Variants in DOCK6 observed in about 807,000 individuals in gnomAD.
DOCK6 encodes dedicator of cytokinesis 6, also known as dedicator of cytokinesis protein 6.
Under a neutral mutation model 230.3 loss-of-function variants are expected in DOCK6, and 167 were observed. The observed-to-expected ratio is 0.73, with a 90% CI of 0.64 to 0.82. The LOEUF is 0.82. Among genes scored for constraint, DOCK6 ranks in the 40% least tolerant of loss-of-function variants. The probability of loss-of-function intolerance (pLI) is 0.00; values close to 1 mark genes in which losing one functional copy is unlikely to be tolerated. For missense variants in DOCK6, 2,598 were observed against 2,825.8 expected (o/e 0.92, Z 1.83); for synonymous variants, 1,148 against 1,185.0 (o/e 0.97, Z 0.64).
intron 9 of DOCK6, among the ~76,000 whole-genome samples, chr19:11,244,705 T>C (rs1188561762): frequency 6.6e-6 from 1 of 152,090 alleles, no homozygotes; most frequent in African/African-American, 2.4e-5. Context: ...GTGATCTGCC[T>C]GCCTCGGCCT....
In DOCK6 at chr19:11,213,348, CAG is replaced by C. The variant is rs2079426292; in HGVS notation, c.4339-22_4339-21del. 6.2e-7 allele frequency: 1 copy of C among 1,605,584 alleles called. No homozygotes were observed. The highest frequency in any genetic ancestry group is 8.5e-7 in the Non-Finnish European group (1 of 1,177,390). ...CGGGAACTGCCCCCAAGGACCCAGA[CAG>C]ACACTGTCCAGCCCCTCCCCGTTCT... On this transcript the variant is annotated intron_variant, in intron 34 of 47. Coordinates refer to ENST00000294618, the MANE Select transcript of DOCK6 (RefSeq NM_020812.4).
intron 1 of DOCK6, among the ~76,000 whole-genome samples, chr19:11,258,472 G>A (rs1005463109): frequency 6.2e-5 from 9 of 144,454 alleles, no homozygotes; most frequent in African/African-American, 1.8e-4. Flanking sequence ...AGTCTCTGTC[G>A]TCCAGGCTGG....
At position 11,200,773 on chromosome 19, in the gene DOCK6, G is replaced by A; in HGVS notation, c.5882C>T (p.Pro1961Leu). Residue 1961 changes from proline to leucine, a missense_variant, in exon 46 of 48, where the codon CCC (proline) becomes CTC (leucine). By Grantham distance (98) the Pro-to-Leu change is moderately conservative. Coordinates refer to ENST00000294618, the MANE Select transcript of DOCK6 (RefSeq NM_020812.4). The surrounding 1 kb of genome is among the most constrained non-coding windows in gnomAD (Gnocchi z 4.3). ...TTTGTTGTGATGCCGGAAGAGCTTGGGGTCTTCCGGGATCTCTGCTAAAAA... is the reference window on the plus strand; with the variant it reads ...TTTGTTGTGATGCCGGAAGAGCTTGAGGTCTTCCGGGATCTCTGCTAAAAA... ...QVFLAEIPED[P>L]KLFRHHNKLR... The A allele has an allele frequency of 6.2e-7, 1 of 1,613,548 alleles. No homozygotes were observed.
At chr19:11,224,747 A>G (rs74792236) in intron 24 of DOCK6, among the ~76,000 whole-genome samples, 6,718 of 152,100 alleles carry the variant, frequency 0.044, 485 homozygotes, top group African/African-American at 0.15. Flanking sequence ...GAGGCCTCAC[A>G]AGTTAGCCTC....
Position 11,255,879 on chromosome 19 carries a change from C to T in DOCK6, c.45-2153G>A, listed in dbSNP as rs536476710. ...TCGGCTCACTGCAAGCTCCGCCTCC[C>T]GGGTTCACGCCATTCTCCTGCCTCA... On this transcript the variant is annotated intron_variant, in intron 1 of 47. Coordinates refer to ENST00000294618, the MANE Select transcript of DOCK6 (RefSeq NM_020812.4). 4.6e-5 allele frequency among the ~76,000 whole-genome samples: 7 copies of T among 152,260 alleles called. No individual in the cohort carries two copies. In the South Asian group the frequency reaches 6.2e-4, roughly 14 times the overall value.
At chr19:11,231,092 C>T (rs1468719024) in intron 22 of DOCK6, among the ~76,000 whole-genome samples, 1 of 152,126 alleles carries the variant, frequency 6.6e-6, no homozygotes, top group Non-Finnish European at 1.5e-5. Context: ...GCCCAAAGGC[C>T]CCCCCTGCTT....
At chr19:11,209,274 A>C (rs1600857054) in intron 37 of DOCK6, among the ~76,000 whole-genome samples, 171 bp from the exon 38 acceptor site, 3 of 139,114 alleles carry the variant, frequency 2.2e-5, no homozygotes, top group Non-Finnish European at 3.1e-5. Context: ...GCCATCCCTC[A>C]TCTATCTCCC....
chr19:11,234,098 TG>T (rs746263746), intron 21 of DOCK6, among the ~76,000 whole-genome samples: 7 of 152,008 alleles, frequency 4.6e-5, no homozygotes, highest in Non-Finnish European at 8.8e-5. Flanking sequence ...CTCCTGGGTT[TG>T]TGTGATTCTC....
Position 11,222,985 on chromosome 19 carries a change from A to T in DOCK6, c.3069+8T>A, listed in dbSNP as rs1332011168. 1 of 1,613,262 alleles carries T rather than the reference A, an allele frequency of 6.2e-7. No individual in the cohort carries two copies. Among genetic ancestry groups the T allele is most frequent in the Non-Finnish European group, 8.5e-7 (1 of 1,179,714 alleles). ...TGCCATGCCCACCCTGCCCACGCCC[A>T]CTCCTACCTGCTTGTAGTGGGCCCG... is the stretch of plus-strand genomic sequence containing the variant. On this transcript the variant is annotated splice_region_variant and intron_variant, in intron 25 of 47. Coordinates refer to ENST00000294618, the MANE Select transcript of DOCK6 (RefSeq NM_020812.4). This position sits in a 1 kb window ranked among gnomAD's most constrained non-coding sequence, Gnocchi z 4.0.
chr19:11,223,301 C>A (rs1234831279), intron 24 of DOCK6, among the ~76,000 whole-genome samples, 195 bp from the exon 25 acceptor site: 1 of 152,180 alleles, frequency 6.6e-6, no homozygotes, highest in Admixed American at 6.6e-5. Context: ...CCTTAAGACA[C>A]CAAGGCAGAT....
chr19:11,222,211 A>ACCTTGGGGTCCGGGGCTTGG lies in DOCK6; in HGVS notation c.3258_3277dup (p.Val1093AlafsTer8). On this transcript the variant is annotated frameshift_variant, in exon 27 of 48. Transcript: ENST00000294618. LOFTEE classifies it high-confidence loss of function. This position sits in a 1 kb window ranked among gnomAD's most constrained non-coding sequence, Gnocchi z 4.0. ...TCCACTCAGTTCGAACATGCTGGTC[A>ACCTTGGGGTCCGGGGCTTGG]CCTTGGGGTCCGGGGCTTGGCTGGA... is the stretch of plus-strand genomic sequence containing the variant. 6.2e-7 allele frequency: 1 copy of ACCTTGGGGTCCGGGGCTTGG among 1,605,596 alleles called. No homozygotes were observed. Among genetic ancestry groups the ACCTTGGGGTCCGGGGCTTGG allele is most frequent in the East Asian group, 2.2e-5 (1 of 44,574 alleles).
At chr19:11,216,890 C>G (rs2079497105) in intron 30 of DOCK6, 24 bp downstream of exon 30, 2 of 1,611,930 alleles carry the variant, frequency 1.2e-6, no homozygotes, top group African/African-American at 2.7e-5. Context: ...CCTCCTCCAT[C>G]ATCTCCTGCC....
At chr19:11,217,885 T>C (rs1039487578) in intron 28 of DOCK6, among the ~76,000 whole-genome samples, 1 of 152,020 alleles carries the variant, frequency 6.6e-6, no homozygotes, top group Non-Finnish European at 1.5e-5. Context: ...GGAGTCTTGC[T>C]CTGTTGCCCC....
chr19:11,246,609 T>C (rs1199282795), intron 7 of DOCK6, among the ~76,000 whole-genome samples: 5 of 152,086 alleles, frequency 3.3e-5, no homozygotes, highest in Admixed American at 3.3e-4. Flanking sequence ...AGTAAGTAAC[T>C]CACACAGAGC....
chr19:11,227,515 A>T, intron 23 of DOCK6, 38 bp from the exon 24 acceptor site: 1 of 1,446,518 alleles, frequency 6.9e-7, no homozygotes. Flanking sequence ...TGGGATTTGA[A>T]GGGCTGTGGG....
At chr19:11,207,795 T>G (rs2079286623) in intron 39 of DOCK6, among the ~76,000 whole-genome samples, 1 of 151,042 alleles carries the variant, frequency 6.6e-6, no homozygotes, top group Non-Finnish European at 1.5e-5. Context: ...CCGGACATAG[T>G]GATGTGTGCC....
At chr19:11,226,451 G>A (rs917149367) in intron 24 of DOCK6, among the ~76,000 whole-genome samples, 2 of 152,226 alleles carry the variant, frequency 1.3e-5, no homozygotes, top group Admixed American at 1.3e-4. Context: ...CTGAGGTTAG[G>A]AGTTCCAGAC....
Position 11,262,471 on chromosome 19 carries a change from G to GCCCCGGC in DOCK6, c.-38_-32dup, listed in dbSNP as rs1290218978. On this transcript the variant is annotated 5_prime_UTR_variant, in exon 1 of 48. Transcript: ENST00000294618. ...TCGCGTCCCGCCGCCGCCGCCCCGGGCCCCGGCCCCGCCGCCGCCGCCGCC... is the reference window on the plus strand; with the variant it reads ...TCGCGTCCCGCCGCCGCCGCCCCGGGCCCCGGCCCCCGGCCCCGCCGCCGCCGCCGCC... The GCCCCGGC allele has an allele frequency of 8.5e-5, 97 of 1,138,448 alleles. No homozygotes were observed. The highest frequency in any genetic ancestry group is 9.9e-5 in the Non-Finnish European group (92 of 929,552). 70.5% of individuals were successfully genotyped at this position (1,138,448 alleles called of 1,614,324 possible).
At chr19:11,252,396 G>A in intron 4 of DOCK6, 86 bp downstream of exon 4, 1 of 1,589,328 alleles carries the variant, frequency 6.3e-7, no homozygotes, top group Non-Finnish European at 8.6e-7. Context: ...GGGACAATGG[G>A]CAGATACACA....
Sources: allele counts gnomAD v4.1 joint callset (sites outside exome capture counted in the v4.1 genomes callset), GRCh38; gene constraint gnomAD v4.1.1; non-coding constraint Gnocchi (gnomAD v3.1); transcripts MANE v1.5; gene names NCBI Gene and HGNC (gene_info 2026-07-23, HGNC 2026-07-21).